The following PROCR variants were observed in gnomAD, a reference collection of about 807,000 sequenced individuals.
The protein encoded by PROCR is endothelial protein C receptor.
A neutral mutation model predicts 24.2 loss-of-function variants in PROCR; 22 were observed. The ratio of observed to expected loss-of-function variants is 0.91; its 90% confidence interval spans 0.65 to 1.30. The LOEUF is 1.30. Among genes scored for constraint, PROCR ranks in the 50% most tolerant of loss-of-function variants. The pLI is 0.00. For missense variants in PROCR, 288 were observed against 307.7 expected, an observed-to-expected ratio of 0.94 and a Z score of 0.48; for synonymous variants, 137 against 139.2, an observed-to-expected ratio of 0.98 and a Z score of 0.11.
At chr20:35,208,163 G>C (rs2060349051) in intron 1 of PROCR, among the ~76,000 whole-genome samples, 1 of 152,192 alleles carries the variant, frequency 6.6e-6, no homozygotes, top group Admixed American at 6.5e-5. Context: ...TAGAGGTGGA[G>C]GGCAATGATC....
intron 1 of PROCR, among the ~76,000 whole-genome samples, chr20:35,192,968 CTT>C (rs1378206080): frequency 3.3e-5 from 5 of 152,032 alleles, no homozygotes; most frequent in Non-Finnish European, 7.4e-5. Context: ...AACTACAAGT[CTT>C]AATATAAGTG....
intron 1 of PROCR, among the ~76,000 whole-genome samples, chr20:35,189,271 G>T (rs1397213246): frequency 6.8e-6 from 1 of 147,364 alleles, no homozygotes; most frequent in African/African-American, 2.5e-5. Context: ...ATTCCGGGGG[G>T]GGGCCTCTAA....
Position 35,176,876 on chromosome 20 carries a change from T to G in PROCR, c.*63T>G. ...GAGGCTGGCAAGGGAAAGTTTCAGCTCACTGTGAAGCCAGACTCCCCAACT... is the reference window on the plus strand; with the variant it reads ...GAGGCTGGCAAGGGAAAGTTTCAGCGCACTGTGAAGCCAGACTCCCCAACT... On this transcript the variant is annotated 3_prime_UTR_variant, in exon 4 of 4. Transcript: ENST00000216968. 1 of 1,583,360 alleles carries G rather than the reference T, an allele frequency of 6.3e-7. No individual in the cohort carries two copies. Among genetic ancestry groups the G allele is most frequent in the Non-Finnish European group, 8.6e-7 (1 of 1,163,510 alleles).
At chr20:35,211,625 G>GT (rs1314561071) in intron 1 of PROCR, among the ~76,000 whole-genome samples, 3 of 152,176 alleles carry the variant, frequency 2.0e-5, no homozygotes, top group Non-Finnish European at 2.9e-5. Context: ...AATGTATGAG[G>GT]TGCCAGAGTT....
intron 1 of PROCR, among the ~76,000 whole-genome samples, chr20:35,197,557 C>T (rs562253392): frequency 6.6e-6 from 1 of 152,238 alleles, no homozygotes; most frequent in South Asian, 2.1e-4. Context: ...TGTGCGGTGG[C>T]TCATGCCTGT....
At chr20:35,205,808 T>TCTAC (rs1211120602) in intron 1 of PROCR, among the ~76,000 whole-genome samples, 1 of 140,266 alleles carries the variant, frequency 7.1e-6, no homozygotes, top group Non-Finnish European at 1.5e-5. Flanking sequence ...CACACATATA[T>TCTAC]ATGTACATAT....
chr20:35,176,263 T>C lies in PROCR; in HGVS notation c.418T>C (p.Phe140Leu). ...CGAAGTGGCTGTGAATGGGAGCTCCTTTGTGAGTTTCCGGCCGGAGAGAGC... is the reference window on the plus strand; with the variant it reads ...CGAAGTGGCTGTGAATGGGAGCTCCCTTGTGAGTTTCCGGCCGGAGAGAGC... ...FFEVAVNGSS[F>L]VSFRPERALW... is the part of the protein sequence containing the mutation. The change falls in exon 3 of 4, where the codon TTT becomes CTT. Residue 140 changes from phenylalanine (F) to leucine (L), a missense_variant. Physicochemically the swap from Phe to Leu is conservative, Grantham distance 22. Transcript: ENST00000216968. 1 of 1,614,204 alleles carries C rather than the reference T, an allele frequency of 6.2e-7. No individual in the cohort carries two copies. Among genetic ancestry groups the C allele is most frequent in the Non-Finnish European group, 8.5e-7 (1 of 1,180,040 alleles).
intron 1 of PROCR, among the ~76,000 whole-genome samples, chr20:35,197,819 CT>C (rs2060304077): frequency 8.9e-6 from 1 of 112,530 alleles, no homozygotes; most frequent in Admixed American, 1.1e-4. Context: ...AAGACTCCGT[CT>C]CAAAAAAAAA....
At chr20:35,197,339 G>A (rs1410125759) in intron 1 of PROCR, among the ~76,000 whole-genome samples, 2 of 152,080 alleles carry the variant, frequency 1.3e-5, no homozygotes, top group African/African-American at 2.4e-5. Flanking sequence ...TTGTTTTGGG[G>A]TGTCACAAAT....
At chr20:35,177,655 C>A (rs918213713), downstream of PROCR, among the ~76,000 whole-genome samples, 3 of 151,682 alleles carry the variant, frequency 2.0e-5, no homozygotes, top group African/African-American at 7.3e-5. Context: ...ACCACGTTGG[C>A]CATCCTGACC....
intron 1 of PROCR, among the ~76,000 whole-genome samples, chr20:35,214,867 C>CT (rs1568603481): frequency 6.7e-6 from 1 of 150,220 alleles, no homozygotes; most frequent in East Asian, 1.9e-4. Flanking sequence ...ACAATCAGAC[C>CT]TTTTCCTTCC....
chr20:35,198,070 G>A (rs931843515), intron 1 of PROCR, among the ~76,000 whole-genome samples: 1 of 151,932 alleles, frequency 6.6e-6, no homozygotes, highest in African/African-American at 2.4e-5. Context: ...GGATCACGAG[G>A]TCAGGAGATT....
At chr20:35,212,008 ACT>A (rs992769983) in intron 1 of PROCR, among the ~76,000 whole-genome samples, 8 of 151,686 alleles carry the variant, frequency 5.3e-5, no homozygotes, top group East Asian at 1.9e-4. Context: ...CAAGAGTGAA[ACT>A]CTGTCTCAAG....
chr20:35,204,927 T>C (rs1402962541), intron 1 of PROCR, among the ~76,000 whole-genome samples: 1 of 152,030 alleles, frequency 6.6e-6, no homozygotes, highest in Non-Finnish European at 1.5e-5. Context: ...TTTTAAAAAA[T>C]AATACTTCAC....
intron 1 of PROCR, among the ~76,000 whole-genome samples, chr20:35,210,718 T>C (rs955147472): frequency 7.9e-5 from 12 of 151,612 alleles, no homozygotes; most frequent in Non-Finnish European, 7.4e-5. Context: ...TTTTTCCATT[T>C]TTTTTTTTTT....
rs1024744166 is a variant in PROCR at position 35,188,048 on chromosome 20, C to T, written c.94+11602C>T. Among the ~76,000 whole-genome samples the T allele has an allele frequency of 2.0e-5, 3 of 152,190 alleles. No individual in the cohort carries two copies. In the East Asian group the frequency reaches 5.8e-4, roughly 29 times the overall value. On this transcript the variant is annotated intron_variant, in intron 1 of 1. Coordinates refer to the PROCR transcript ENST00000634509. ...ACTCCCTGGCATATTCTAAAAGTAT[C>T]CTTCTGGGTGGCTTGGCTTACTGGA...
At chr20:35,195,875 T>C (rs868744555) in intron 1 of PROCR, among the ~76,000 whole-genome samples, 1 of 147,698 alleles carries the variant, frequency 6.8e-6, no homozygotes, top group Admixed American at 6.7e-5. Flanking sequence ...AAGAACATGA[T>C]GTTTTAGATA....
intron 1 of PROCR, among the ~76,000 whole-genome samples, chr20:35,197,693 A>C (rs2060303083): frequency 6.6e-6 from 1 of 151,706 alleles, no homozygotes; most frequent in Admixed American, 6.6e-5. Flanking sequence ...ATGGTGGCAG[A>C]TGCCTGTAAT....
chr20:35,197,821 CAA>C lies in PROCR; in HGVS notation c.95-18058_95-18057del, dbSNP rs66587294. 1.3e-3 allele frequency among the ~76,000 whole-genome samples: 155 copies of C among 115,820 alleles called. No homozygotes were observed. The East Asian group carries it at 0.016, about 12-fold the overall frequency. 76.0% of individuals were successfully genotyped at this position (115,820 alleles called of 152,430 possible). On this transcript the variant is annotated intron_variant, in intron 1 of 1. Coordinates refer to the PROCR transcript ENST00000634509. ...TGGGGGACAGAGCAAGACTCCGTCT[CAA>C]AAAAAAAAAAAAAGAAAAGAAGAGT...
Sources: gnomAD v4.1 joint callset for allele counts (sites outside exome capture counted in the v4.1 genomes callset) on GRCh38, gnomAD v4.1.1 for gene constraint, MANE v1.5 for transcripts, NCBI Gene and HGNC (gene_info 2026-07-23, HGNC 2026-07-21) for gene names.